The following SCHIP1 variants were observed in gnomAD, a reference collection of about 807,000 sequenced individuals.
SCHIP1 encodes the protein schwannomin interacting protein 1, also known as schwannomin-interacting protein 1.
Under a neutral mutation model 29.7 loss-of-function variants are expected in SCHIP1, and 8 were observed. The observed-to-expected ratio is 0.27, with a 90% CI of 0.16 to 0.49. The LOEUF (loss-of-function observed/expected upper bound fraction) is 0.49. Among genes scored for constraint, SCHIP1 ranks in the 20% least tolerant of loss-of-function variants. The pLI is 0.99. For synonymous variants in SCHIP1, 76 were observed against 94.9 expected (o/e 0.80, Z 1.16); for missense variants, 193 against 294.6 (o/e 0.66, Z 2.52).
the SCHIP1 span, among the ~76,000 whole-genome samples, chr3:159,594,003 A>T: frequency 6.6e-6 from 1 of 152,194 alleles, no homozygotes; most frequent in East Asian, 1.9e-4. Context: ...AAACACCAAG[A>T]TTATTCACAA....
the SCHIP1 span, among the ~76,000 whole-genome samples, chr3:159,556,372 G>C: frequency 6.6e-6 from 1 of 151,990 alleles, no homozygotes; most frequent in Non-Finnish European, 1.5e-5. Flanking sequence ...ATTCCTCAGG[G>C]ATCTAGAACT....
chr3:159,518,540 C>T, the SCHIP1 span, among the ~76,000 whole-genome samples: 1 of 152,010 alleles, frequency 6.6e-6, no homozygotes, highest in South Asian at 2.1e-4. Flanking sequence ...TTCTGAGATG[C>T]TCTATTAATT....
At chr3:159,727,504 G>A in the SCHIP1 span, among the ~76,000 whole-genome samples, 6 of 152,192 alleles carry the variant, frequency 3.9e-5, no homozygotes, top group Non-Finnish European at 7.4e-5. Context: ...GCATAAACTC[G>A]CAAGGGTTGG....
In SCHIP1 at chr3:159,853,308, G is replaced by T. The variant is rs1054399818; in HGVS notation, c.31-12855G>T. The T allele has an allele frequency of 7.6e-5, 49 of 640,730 alleles. No homozygotes were observed. The South Asian group carries it at 7.8e-4, about 10-fold the overall frequency. 39.7% of individuals were successfully genotyped at this position (640,730 alleles called of 1,614,324 possible). On this transcript the variant is annotated intron_variant, in intron 1 of 6. Coordinates refer to ENST00000445224, the Ensembl canonical transcript of SCHIP1. ...AGTATGAGCAGTAACCAGGGAACTG[G>T]GCAATTGGCACATCAGCCTATCAGA...
chr3:159,572,332 A>G, the SCHIP1 span, among the ~76,000 whole-genome samples: 1 of 151,824 alleles, frequency 6.6e-6, no homozygotes, highest in South Asian at 2.1e-4. Flanking sequence ...CTTTGTTCTC[A>G]TTGGTTTCAA....
the SCHIP1 span, among the ~76,000 whole-genome samples, chr3:159,754,851 C>T: frequency 2.4e-3 from 366 of 152,310 alleles, 1 homozygote; most frequent in African/African-American, 8.3e-3. Context: ...GAGGATGAAA[C>T]CTGCTTTTCA....
chr3:159,339,036 A>G, the SCHIP1 span, among the ~76,000 whole-genome samples: 1 of 152,094 alleles, frequency 6.6e-6, no homozygotes, highest in African/African-American at 2.4e-5. Context: ...TTCTCCTAAC[A>G]TTTTGTAGCC....
the SCHIP1 span, among the ~76,000 whole-genome samples, chr3:159,492,212 A>G: frequency 6.6e-6 from 1 of 152,246 alleles, no homozygotes; most frequent in East Asian, 1.9e-4. Context: ...CTCCAAAGGA[A>G]CACAGCTCCC....
At chr3:159,811,959 G>GT in the SCHIP1 span, among the ~76,000 whole-genome samples, 147 of 122,636 alleles carry the variant, frequency 1.2e-3, 2 homozygotes, top group South Asian at 0.012. Context: ...ATGTTTTGTA[G>GT]TTTTTTTTGT....
At chr3:159,479,650 G>A in the SCHIP1 span, among the ~76,000 whole-genome samples, 1 of 152,072 alleles carries the variant, frequency 6.6e-6, no homozygotes, top group East Asian at 1.9e-4. Context: ...CATATAAGCT[G>A]TACCTTAAAA....
the SCHIP1 span, among the ~76,000 whole-genome samples, chr3:159,789,655 C>T: frequency 6.6e-6 from 1 of 152,164 alleles, no homozygotes; most frequent in Admixed American, 6.5e-5. Context: ...TCCCGGGTAA[C>T]GCTGATTCTG....
At chr3:159,766,592 C>T in the SCHIP1 span, among the ~76,000 whole-genome samples, 1 of 152,126 alleles carries the variant, frequency 6.6e-6, no homozygotes, top group Non-Finnish European at 1.5e-5. Context: ...TTTGCTATTG[C>T]GTGACATTTA....
At chr3:159,867,317 T>G (rs905691371) in intron 2 of SCHIP1, among the ~76,000 whole-genome samples, 1 of 152,222 alleles carries the variant, frequency 6.6e-6, no homozygotes, top group Non-Finnish European at 1.5e-5. Flanking sequence ...ATGCATCCAT[T>G]TAACCAACAT....
At chr3:159,499,910 G>T in the SCHIP1 span, among the ~76,000 whole-genome samples, 6 of 152,114 alleles carry the variant, frequency 3.9e-5, no homozygotes, top group African/African-American at 1.4e-4. Flanking sequence ...AAACATCAGT[G>T]TAATAAATCA....
the SCHIP1 span, among the ~76,000 whole-genome samples, chr3:159,700,768 G>A: frequency 5.3e-5 from 8 of 151,438 alleles, no homozygotes; most frequent in South Asian, 2.1e-4. Flanking sequence ...AGCCAAGATC[G>A]TGCCACTGTA....
At chr3:159,529,610 G>A in the SCHIP1 span, among the ~76,000 whole-genome samples, 4 of 152,220 alleles carry the variant, frequency 2.6e-5, no homozygotes, top group Admixed American at 2.6e-4. Flanking sequence ...TCTTTGTATT[G>A]GGAACATTCC....
chr3:159,601,537 A>AG, the SCHIP1 span, among the ~76,000 whole-genome samples: 1 of 151,900 alleles, frequency 6.6e-6, no homozygotes, highest in African/African-American at 2.4e-5. Flanking sequence ...GAGGGGGAGG[A>AG]GGGGTCATAT....
At chr3:159,882,152 G>A (rs1361369025) in intron 2 of SCHIP1, among the ~76,000 whole-genome samples, 1 of 152,172 alleles carries the variant, frequency 6.6e-6, no homozygotes, top group African/African-American at 2.4e-5. Flanking sequence ...TATAAGGAGA[G>A]GAAGAATTGA....
the SCHIP1 span, among the ~76,000 whole-genome samples, chr3:159,397,920 C>T: frequency 6.6e-6 from 1 of 152,340 alleles, no homozygotes; most frequent in Non-Finnish European, 1.5e-5. Flanking sequence ...ACCCCTCCCC[C>T]AGCCTCGCTG....
Sources: gnomAD v4.1 joint callset for allele counts (sites outside exome capture counted in the v4.1 genomes callset) on GRCh38, gnomAD v4.1.1 for gene constraint, MANE v1.5 for transcripts, NCBI Gene and HGNC (gene_info 2026-07-23, HGNC 2026-07-21) for gene names.